Variants in ZNF208 observed in about 807,000 individuals in gnomAD.
ZNF208 encodes the protein zinc finger protein 95.
ZNF208 carries 10 observed loss-of-function variants against 12.1 expected under a neutral mutation model. The observed-to-expected ratio is 0.83, with a 90% CI of 0.51 to 1.40. The LOEUF (loss-of-function observed/expected upper bound fraction) is 1.40. Ranked by LOEUF, ZNF208 falls within the 40% of genes most tolerant of loss-of-function variation. ZNF208 has a pLI of 0.00. For missense variants in ZNF208, 1,652 were observed against 1,485.0 expected (o/e 1.11, Z -1.85); for synonymous variants, 497 against 488.4 (o/e 1.02, Z -0.23).
At chr19:22,008,314 A>AAAAAG (rs1356841909) in intron 1 of ZNF208, among the ~76,000 whole-genome samples, 6 of 151,576 alleles carry the variant, frequency 4.0e-5, no homozygotes, top group Admixed American at 2.0e-4. Context: ...AAAAAAAAAA[A>AAAAAG]AAGAAAAAAA....
intron 1 of ZNF208, among the ~76,000 whole-genome samples, chr19:22,001,907 A>AAAAAAAAAAAAAAAG (rs1278797993): frequency 7.1e-6 from 1 of 141,492 alleles, no homozygotes; most frequent in Non-Finnish European, 1.5e-5. Context: ...AAAAAAAAAA[A>AAAAAAAAAAAAAAAG]AAAAAAAAAA....
At chr19:21,952,476 G>T (rs923930838) in intron 4 of ZNF208, among the ~76,000 whole-genome samples, 4 of 152,158 alleles carry the variant, frequency 2.6e-5, no homozygotes, top group Non-Finnish European at 5.9e-5. Flanking sequence ...AGAAATATTT[G>T]CAGTTCTGCA....
rs767635650 is a variant in ZNF208, at chr19:21,988,814, C to G, written c.99G>C (p.Met33Ile). ...AGACCAGGTTTCTGTAGTTCTCTAA[C>G]ATCACATTTCTATATAAATTCTGCT... ...TAQQNLYRNVMLENYRNLVFL... is the reference protein window; with the variant it reads ...TAQQNLYRNVILENYRNLVFL... Residue 33 changes from methionine (M) to isoleucine (I), a missense_variant, in exon 2 of 4, where the codon ATG (methionine) becomes ATC (isoleucine). Around this residue, in one of 3 missense-constraint regions of ZNF208, gnomAD observed 410 missense variants for 378.2 expected, o/e 1.08. Transcript: ENST00000397126. 53 of 1,614,034 alleles carry G rather than the reference C, an allele frequency of 3.3e-5. No individual in the cohort carries two copies. The highest frequency in any genetic ancestry group is 4.5e-5 in the Non-Finnish European group (53 of 1,180,004).
intron 3 of ZNF208, among the ~76,000 whole-genome samples, chr19:21,982,708 C>T (rs1477948051): frequency 2.0e-5 from 3 of 152,042 alleles, no homozygotes. Context: ...GAAATAACAC[C>T]ACACATCTAC....
chr19:21,950,369 G>A (rs1314527890), intron 4 of ZNF208, among the ~76,000 whole-genome samples: 11 of 151,894 alleles, frequency 7.2e-5, no homozygotes, highest in Non-Finnish European at 1.2e-4. Flanking sequence ...CATTTTAAAA[G>A]ATCTCTGCTT....
chr19:21,974,528 C>T lies in ZNF208; in HGVS notation c.506G>A (p.Gly169Glu). 3 of 1,613,674 alleles carry T rather than the reference C, an allele frequency of 1.9e-6. No individual in the cohort carries two copies. Among genetic ancestry groups the T allele is most frequent in the Middle Eastern group, 1.7e-4 (1 of 6,054 alleles). ...TTCTTTACATTGCAAATGTTTCTTT[C>T]CAGTATGCCTTATCTTATGTCTGTT... is the stretch of plus-strand genomic sequence containing the variant. ...NSNRHKIRHTGKKHLQCKEYV... is the reference protein window; with the variant it reads ...NSNRHKIRHTEKKHLQCKEYV... The change falls in exon 4 of 4, where the codon GGA (glycine) becomes GAA (glutamate). Residue 169 changes from glycine to glutamate, a missense_variant. Around this residue, in one of 3 missense-constraint regions of ZNF208, gnomAD observed 410 missense variants for 378.2 expected, o/e 1.08. Transcript: ENST00000397126.
At chr19:21,993,544 G>C (rs1970777364) in intron 1 of ZNF208, among the ~76,000 whole-genome samples, 1 of 151,918 alleles carries the variant, frequency 6.6e-6, no homozygotes, top group South Asian at 2.1e-4. Context: ...TTCCTCTCAA[G>C]CTCTAATGAG....
chr19:21,943,929 C>T (rs1381467863), intron 4 of ZNF208, among the ~76,000 whole-genome samples: 1 of 152,176 alleles, frequency 6.6e-6, no homozygotes, highest in East Asian at 1.9e-4. Context: ...TGTTCCATAT[C>T]TTGTTACAGT....
intron 1 of ZNF208, among the ~76,000 whole-genome samples, chr19:21,996,361 T>C (rs927614592): frequency 3.3e-5 from 5 of 152,212 alleles, no homozygotes; most frequent in Admixed American, 2.6e-4. Context: ...TGATTGGATA[T>C]ACATCATTAA....
chr19:21,962,910 ATAAAGT>A (rs772104720), downstream of ZNF208, among the ~76,000 whole-genome samples: 2 of 152,130 alleles, frequency 1.3e-5, no homozygotes, highest in Non-Finnish European at 2.9e-5. Context: ...GATATTGTAA[ATAAAGT>A]TAATTTGTCA....
chr19:21,954,904 T>C (rs1969948222), intron 4 of ZNF208, among the ~76,000 whole-genome samples: 1 of 152,048 alleles, frequency 6.6e-6, no homozygotes, highest in African/African-American at 2.4e-5. Context: ...TGCTCATTAG[T>C]TGATGCAGTT....
intron 1 of ZNF208, among the ~76,000 whole-genome samples, chr19:22,005,338 A>G (rs1971026230): frequency 6.6e-6 from 1 of 152,216 alleles, no homozygotes; most frequent in East Asian, 1.9e-4. Context: ...GTCCTCTGTC[A>G]CCCTGGGAGG....
intron 1 of ZNF208, chr19:21,997,841 T>C (rs1257465451): frequency 2.0e-5 from 3 of 152,190 alleles, no homozygotes; most frequent in Admixed American, 6.5e-5. Context: ...CTGTGACAGC[T>C]CACGTCTTTC....
At chr19:21,957,761 A>G (rs1599604851) in intron 4 of ZNF208, among the ~76,000 whole-genome samples, 1 of 152,194 alleles carries the variant, frequency 6.6e-6, no homozygotes, top group Non-Finnish European at 1.5e-5. Flanking sequence ...AGTTAGGCCA[A>G]GTATAATAAT....
intron 4 of ZNF208, among the ~76,000 whole-genome samples, chr19:21,946,227 G>A (rs187736771): frequency 4.1e-4 from 62 of 152,146 alleles, no homozygotes; most frequent in Middle Eastern, 3.4e-3. Context: ...TTGATTGGTC[G>A]TGGGCCAAGG....
At chr19:21,988,966 G>C (rs1320234010) in intron 1 of ZNF208, 57 bp from the exon 2 acceptor site, 6 of 1,604,328 alleles carry the variant, frequency 3.7e-6, no homozygotes, top group Non-Finnish European at 5.1e-6. Context: ...TTTTTAATTT[G>C]ACTCAAGGTA....
chr19:21,959,708 A>C (rs977298856), intron 4 of ZNF208, among the ~76,000 whole-genome samples: 22 of 152,216 alleles, frequency 1.4e-4, no homozygotes, highest in African/African-American at 5.3e-4. Context: ...TTTAAAATAT[A>C]AAATGCATAG....
intron 1 of ZNF208, among the ~76,000 whole-genome samples, chr19:22,006,669 A>G (rs2145587979): frequency 6.6e-6 from 1 of 152,216 alleles, no homozygotes; most frequent in South Asian, 2.1e-4. Flanking sequence ...GCCTTTAATA[A>G]CCTCCGTCTG....
At chr19:21,956,610 G>A (rs117692222) in intron 4 of ZNF208, among the ~76,000 whole-genome samples, 1 of 152,156 alleles carries the variant, frequency 6.6e-6, no homozygotes, top group Non-Finnish European at 1.5e-5. Context: ...AGTGAGTAAG[G>A]CTCCTTGGGC....
Sources: allele counts gnomAD v4.1 joint callset (sites outside exome capture counted in the v4.1 genomes callset), GRCh38; gene constraint gnomAD v4.1.1; regional missense constraint gnomAD v4.1.1; transcripts MANE v1.5; gene names NCBI Gene and HGNC (gene_info 2026-07-23, HGNC 2026-07-21).